The following ZNF607 variants were observed in gnomAD, a reference collection of about 807,000 sequenced individuals.
ZNF607 encodes zinc finger protein 607.
Under a neutral mutation model 12.8 loss-of-function variants are expected in ZNF607, and 5 were observed. The observed-to-expected ratio is 0.39, with a 90% CI of 0.20 to 0.82. ZNF607 has a LOEUF of 0.82. Among genes scored for constraint, ZNF607 ranks in the 40% least tolerant of loss-of-function variants. The probability of loss-of-function intolerance (pLI) is 0.39; values close to 1 mark genes in which losing one functional copy is unlikely to be tolerated. For missense variants in ZNF607, 851 were observed against 859.2 expected (o/e 0.99, Z 0.12); for synonymous variants, 287 against 276.2 (o/e 1.04, Z -0.39).
intron 2 of ZNF607, 85 bp downstream of exon 2, chr19:37,711,525 G>A (rs537201711): frequency 1.4e-6 from 2 of 1,404,908 alleles, no homozygotes; most frequent in African/African-American, 2.8e-5. Flanking sequence ...TCTCACGAAG[G>A]TAACTTCAGG....
chr19:37,708,704 G>A (rs1051387642), intron 3 of ZNF607, among the ~76,000 whole-genome samples: 29 of 151,708 alleles, frequency 1.9e-4, no homozygotes, highest in Admixed American at 1.6e-3. Context: ...AAAATTATCT[G>A]TAGGTGTGGT....
At chr19:37,704,934 G>A (rs1358203047) in intron 4 of ZNF607, among the ~76,000 whole-genome samples, 1 of 152,030 alleles carries the variant, frequency 6.6e-6, no homozygotes, top group Non-Finnish European at 1.5e-5. Flanking sequence ...CTGGGCAACA[G>A]AGCGAGACTC....
At position 37,698,694 on chromosome 19, in the gene ZNF607, A is replaced by C; in HGVS notation, c.1437T>G (p.Cys479Trp). 1 of 1,613,334 alleles carries C rather than the reference A, an allele frequency of 6.2e-7. No homozygotes were observed. ...RIHTGEKPYV[C>W]QECGKGFSYS... ...AACTAAAACCCTTCCCACACTCTTG[A>C]CATACATAGGGTTTCTCTCCTGTAT... is the stretch of plus-strand genomic sequence containing the variant. Residue 479 changes from cysteine (C) to tryptophan (W), a missense_variant, in exon 5 of 5, where the codon TGT becomes TGG. Cys to Trp is a radical substitution (Grantham distance 215, BLOSUM62 -2). Coordinates refer to ENST00000355202, the MANE Select transcript of ZNF607 (RefSeq NM_032689.5).
rs1447733659 is a variant in ZNF607, at chr19:37,709,700, T to C, written c.132A>G (p.Ser44=). 3 of 1,612,614 alleles carry C rather than the reference T, an allele frequency of 1.9e-6. No homozygotes were observed. The highest frequency in any genetic ancestry group is 2.5e-6 in the Non-Finnish European group (3 of 1,178,702). Residue 44 remains serine, a synonymous_variant, in exon 3 of 5, where the codon TCA becomes TCG. Coordinates refer to ENST00000355202, the MANE Select transcript of ZNF607 (RefSeq NM_032689.5). ...VMMENYDNLV[S]LAGHSVSKPD... is the part of the protein sequence containing the mutation. Reference sequence around the variant, plus strand: ...ATTCCAGGTTGATAAACATACCCAATGAGACTAAGTTGTCATAGTTCTCCA... The same window carrying C: ...ATTCCAGGTTGATAAACATACCCAACGAGACTAAGTTGTCATAGTTCTCCA...
At chr19:37,718,684 A>T (rs2045198523) in intron 1 of ZNF607, among the ~76,000 whole-genome samples, 1 of 152,258 alleles carries the variant, frequency 6.6e-6, no homozygotes, top group Non-Finnish European at 1.5e-5. Context: ...AAGTCAGTTT[A>T]GCAAGACCCT....
At chr19:37,711,473 A>T in intron 2 of ZNF607, 137 bp downstream of exon 2, 1 of 856,790 alleles carries the variant, frequency 1.2e-6, no homozygotes, top group Non-Finnish European at 1.9e-6. Context: ...TACATATTTT[A>T]CTGGAAGAAT....
At position 37,697,112 on chromosome 19, in the gene ZNF607, C is replaced by A. The variant is rs533685511; in HGVS notation, c.*928G>T. On this transcript the variant is annotated 3_prime_UTR_variant, in exon 5 of 5. Transcript: ENST00000355202. ...TGCGAGGAAGCTGGCTAGTGATGGGCCGGAAGAGGATGCACAGTGTGATGT... is the reference window on the plus strand; with the variant it reads ...TGCGAGGAAGCTGGCTAGTGATGGGACGGAAGAGGATGCACAGTGTGATGT... 7.6e-5 allele frequency: 57 copies of A among 745,242 alleles called. No homozygotes were observed. The highest frequency in any genetic ancestry group is 1.2e-4 in the Non-Finnish European group (49 of 397,570). The allele number at this position is 745,242 out of a possible 1,614,324, so 46.2% of individuals were successfully genotyped here.
chr19:37,709,845 T>G, intron 2 of ZNF607, 23 bp from the exon 3 acceptor site: 3 of 1,605,582 alleles, frequency 1.9e-6, no homozygotes, highest in Non-Finnish European at 2.6e-6. Flanking sequence ...ACCCATGTAT[T>G]ACTGGGGAAA....
chr19:37,696,856 A>C lies in ZNF607; in HGVS notation c.*1184T>G. The C allele has an allele frequency of 2.5e-6, 2 of 790,260 alleles. No individual in the cohort carries two copies. The highest frequency in any genetic ancestry group is 3.0e-5 in the South Asian group (2 of 66,870). The allele number at this position is 790,260 out of a possible 1,614,324, so 49.0% of individuals were successfully genotyped here. On this transcript the variant is annotated 3_prime_UTR_variant, in exon 5 of 5. Transcript: ENST00000355202. ...GGCGCTCTCTGCTTCCTGGGGGGCCACCTGTCTGTTAACTCCTTCAAGAAG... is the reference window on the plus strand; with the variant it reads ...GGCGCTCTCTGCTTCCTGGGGGGCCCCCTGTCTGTTAACTCCTTCAAGAAG...
Position 37,704,721 on chromosome 19 carries a change from G to A in ZNF607, c.235+3193C>T, listed in dbSNP as rs1462863450. On this transcript the variant is annotated intron_variant, in intron 4 of 4. Coordinates refer to ENST00000355202, the MANE Select transcript of ZNF607 (RefSeq NM_032689.5). ...GGCTCACGCCTATAATCCCAGCACC[G>A]GGCGAGCGGGCGGATCACAAGGTCA... Among the ~76,000 whole-genome samples, 12 of 152,306 alleles carry A rather than the reference G, an allele frequency of 7.9e-5. No homozygotes were observed. In the South Asian group the frequency reaches 2.3e-3, roughly 29 times the overall value.
Position 37,697,469 on chromosome 19 carries a change from C to A in ZNF607, c.*571G>T. ...ACCTCCACATCTAACTCATGTAATT[C>A]TAACAGCACTATACTGTAGGTACTA... On this transcript the variant is annotated 3_prime_UTR_variant, in exon 5 of 5. Coordinates refer to ENST00000355202, the MANE Select transcript of ZNF607 (RefSeq NM_032689.5). 3 of 686,886 alleles carry A rather than the reference C, an allele frequency of 4.4e-6. No homozygotes were observed. The highest frequency in any genetic ancestry group is 3.0e-5 in the South Asian group (2 of 66,326). 42.5% of individuals were successfully genotyped at this position (686,886 alleles called of 1,614,324 possible).
intron 1 of ZNF607, among the ~76,000 whole-genome samples, chr19:37,715,619 G>C (rs1038929382): frequency 6.7e-6 from 1 of 149,210 alleles, no homozygotes; most frequent in Non-Finnish European, 1.5e-5. Context: ...AAAAAAAAAA[G>C]ATGATCAGAT....
At position 37,696,539 on chromosome 19, in the gene ZNF607, G is replaced by A; in HGVS notation, c.*1501C>T. ...ATCATGAAATTTCAGTGATTTCTGG[G>A]GTGAGGGCGAAAGGTGGTGTTACGA... is the stretch of plus-strand genomic sequence containing the variant. On this transcript the variant is annotated 3_prime_UTR_variant, in exon 5 of 5. Coordinates refer to ENST00000355202, the MANE Select transcript of ZNF607 (RefSeq NM_032689.5). The A allele has an allele frequency of 2.3e-6, 1 of 442,362 alleles. No homozygotes were observed. Among genetic ancestry groups the A allele is most frequent in the South Asian group, 2.6e-5 (1 of 38,982 alleles). The allele number at this position is 442,362 out of a possible 1,614,324, so 27.4% of individuals were successfully genotyped here. A position where few individuals can be genotyped will look rare whatever the true frequency, so the allele number is the denominator to read the frequency against.
At chr19:37,714,434 G>A (rs1044489641) in intron 1 of ZNF607, among the ~76,000 whole-genome samples, 8 of 151,418 alleles carry the variant, frequency 5.3e-5, no homozygotes, top group South Asian at 2.1e-4. Flanking sequence ...GCATGGTGGC[G>A]GGTGCCTGTA....
intron 4 of ZNF607, among the ~76,000 whole-genome samples, chr19:37,703,514 G>A (rs1017938986): frequency 5.3e-5 from 8 of 152,138 alleles, no homozygotes; most frequent in African/African-American, 1.9e-4. Context: ...AATAACTAAT[G>A]TTGAAGAGGA....
intron 4 of ZNF607, among the ~76,000 whole-genome samples, chr19:37,700,101 C>A (rs984527448): frequency 6.6e-6 from 1 of 152,152 alleles, no homozygotes; most frequent in Non-Finnish European, 1.5e-5. Context: ...GAGACACACA[C>A]ACACACAGAG....
At chr19:37,718,547 A>T (rs1317109775) in intron 1 of ZNF607, among the ~76,000 whole-genome samples, 5 of 152,152 alleles carry the variant, frequency 3.3e-5, no homozygotes, top group African/African-American at 9.7e-5. Flanking sequence ...AACCCTTTTC[A>T]GGAGGGAATC....
Position 37,699,332 on chromosome 19 carries a change from C to G in ZNF607, c.799G>C (p.Gly267Arg), listed in dbSNP as rs766183662. 1.2e-6 allele frequency: 2 copies of G among 1,610,206 alleles called. No homozygotes were observed. Among genetic ancestry groups the G allele is most frequent in the South Asian group, 2.2e-5 (2 of 90,560 alleles). Residue 267 changes from glycine to arginine, a missense_variant, in exon 5 of 5, where the codon GGC (glycine) becomes CGC (arginine). Physicochemically the swap from Gly to Arg is moderately radical, Grantham distance 125 (BLOSUM62 -2). Transcript: ENST00000355202. Reference sequence around the variant, plus strand: ...TGAATACTCTGATGTACTTTAAGGCCTGCTTTGAGCCTAAAGGACTTCCCA... The same window carrying G: ...TGAATACTCTGATGTACTTTAAGGCGTGCTTTGAGCCTAAAGGACTTCCCA... Reference protein sequence around the residue: ...KCGKSFRLKAGLKVHQSIHTG... With the variant: ...KCGKSFRLKARLKVHQSIHTG...
chr19:37,701,395 C>G (rs772352790), intron 4 of ZNF607, among the ~76,000 whole-genome samples: 1 of 152,232 alleles, frequency 6.6e-6, no homozygotes, highest in Non-Finnish European at 1.5e-5. Flanking sequence ...TGATCACCTG[C>G]TCCACCCTAA....
Sources: gnomAD v4.1 joint callset for allele counts (sites outside exome capture counted in the v4.1 genomes callset) on GRCh38, gnomAD v4.1.1 for gene constraint, MANE v1.5 for transcripts, NCBI Gene and HGNC (gene_info 2026-07-23, HGNC 2026-07-21) for gene names.